Variants in GNAT3 observed in about 807,000 individuals in gnomAD.
GNAT3 encodes the protein guanine nucleotide-binding protein G(t) subunit alpha-3.
In GNAT3, 31 loss-of-function variants were observed where a neutral mutation model predicts 37.7. The ratio of observed to expected loss-of-function variants is 0.82; its 90% CI spans 0.62 to 1.11. The LOEUF (loss-of-function observed/expected upper bound fraction) is 1.11, where lower values mean the gene tolerates loss of function less well. GNAT3 is among the 50% of genes most tolerant of loss of function. GNAT3 has a pLI of 0.00. For missense variants in GNAT3, 437 were observed against 412.5 expected (o/e 1.06, Z -0.51); for synonymous variants, 138 against 139.8 (o/e 0.99, Z 0.09).
chr7:80,512,057 A>G lies in GNAT3; in HGVS notation c.-131T>C. 1.7e-6 allele frequency: 1 copy of G among 585,710 alleles called. No individual in the cohort carries two copies. The highest frequency in any genetic ancestry group is 3.0e-6 in the Non-Finnish European group (1 of 328,990). 36.3% of individuals were successfully genotyped at this position (585,710 alleles called of 1,614,324 possible). On this transcript the variant is annotated 5_prime_UTR_variant, in exon 1 of 8. Transcript: ENST00000398291. ...CTAGCAGTCCATTCCCTAATGCTCT[A>G]AGATTCTGCTTTGACTAAGGAGATG...
intron 1 of GNAT3, among the ~76,000 whole-genome samples, chr7:80,499,546 C>T (rs1210891380): frequency 6.6e-6 from 1 of 152,124 alleles, no homozygotes; most frequent in Non-Finnish European, 1.5e-5. Context: ...CTACACCTGG[C>T]CTTGAAAGCA....
intron 3 of GNAT3, among the ~76,000 whole-genome samples, chr7:80,484,118 A>G (rs560399866): frequency 2.0e-5 from 3 of 152,208 alleles, no homozygotes; most frequent in East Asian, 3.9e-4. Flanking sequence ...TTGGGACTAC[A>G]TTGTATAGAA....
chr7:80,488,708 T>C (rs1471886963), intron 2 of GNAT3, 32 bp from the exon 3 acceptor site: 11 of 1,490,262 alleles, frequency 7.4e-6, no homozygotes, highest in Admixed American at 3.9e-5. Flanking sequence ...TTTCTGTGAG[T>C]TGAATAATTG....
chr7:80,492,919 C>T (rs1790621000), intron 2 of GNAT3, among the ~76,000 whole-genome samples: 1 of 151,896 alleles, frequency 6.6e-6, no homozygotes, highest in African/African-American at 2.4e-5. Context: ...TAAGGTTACA[C>T]TAAAATACAT....
chr7:80,508,427 T>C (rs1790991110), intron 1 of GNAT3, among the ~76,000 whole-genome samples: 1 of 152,044 alleles, frequency 6.6e-6, no homozygotes, highest in South Asian at 2.1e-4. Context: ...TACCATTGAA[T>C]GAAACGTTTA....
chr7:80,467,228 T>C (rs1790141607), intron 5 of GNAT3, among the ~76,000 whole-genome samples: 1 of 152,124 alleles, frequency 6.6e-6, no homozygotes, highest in Non-Finnish European at 1.5e-5. Context: ...TGCTCAGTCT[T>C]AGCATTTTGT....
chr7:80,511,908 A>C lies in GNAT3; in HGVS notation c.19T>G (p.Ser7Ala). MGSGIS[S>A]ESKESAKRSK... ...CTTTTGGCTGACTCCTTGCTCTCTGAACTAATTCCACTTCCCATCTTGTGG... is the reference window on the plus strand; with the variant it reads ...CTTTTGGCTGACTCCTTGCTCTCTGCACTAATTCCACTTCCCATCTTGTGG... The change falls in exon 1 of 8, where the codon TCA becomes GCA. Residue 7 changes from serine to alanine, a missense_variant. Coordinates refer to ENST00000398291, the MANE Select transcript of GNAT3 (RefSeq NM_001102386.3). 7 of 1,610,156 alleles carry C rather than the reference A, an allele frequency of 4.3e-6. No individual in the cohort carries two copies. Among genetic ancestry groups the C allele is most frequent in the Non-Finnish European group, 5.9e-6 (7 of 1,177,360 alleles).
chr7:80,458,809 G>GTCT lies in GNAT3; in HGVS notation c.924_926dup (p.Leu308_Asp309insGlu). On this transcript the variant is annotated inframe_insertion, in exon 8 of 8. Coordinates refer to ENST00000398291, the MANE Select transcript of GNAT3 (RefSeq NM_001102386.3). ...CCTTATCTTCTTTTTTTAAATTCAG[G>GTCT]TCTAGAAACTGGTTCTTGATGTAGT... is the stretch of plus-strand genomic sequence containing the variant. 6.3e-7 allele frequency: 1 copy of GTCT among 1,595,114 alleles called. No individual in the cohort carries two copies. The highest frequency in any genetic ancestry group is 8.5e-7 in the Non-Finnish European group (1 of 1,171,380).
intron 5 of GNAT3, among the ~76,000 whole-genome samples, chr7:80,468,909 C>T (rs1162934052): frequency 1.3e-5 from 2 of 151,976 alleles, no homozygotes; most frequent in Admixed American, 6.6e-5. Context: ...TTCATAAAGC[C>T]ATCACAATAA....
At chr7:80,488,473 C>T in intron 3 of GNAT3, 62 bp downstream of exon 3, 13 of 1,365,410 alleles carry the variant, frequency 9.5e-6, no homozygotes, top group South Asian at 8.2e-5. Context: ...TTATTAAGTC[C>T]TCTTATTTTA....
chr7:80,512,006 G>T lies in GNAT3; in HGVS notation c.-80C>A. 1.1e-6 allele frequency: 1 copy of T among 926,900 alleles called. No individual in the cohort carries two copies. Among genetic ancestry groups the T allele is most frequent in the Non-Finnish European group, 1.7e-6 (1 of 585,946 alleles). 57.4% of individuals were successfully genotyped at this position (926,900 alleles called of 1,614,324 possible). Reference sequence around the variant, plus strand: ...CACAGCTGTGGTTTGGACATAGGAGGCAAGAGTAATGCTCTGCTGAAGTAC... The same window carrying T: ...CACAGCTGTGGTTTGGACATAGGAGTCAAGAGTAATGCTCTGCTGAAGTAC... On this transcript the variant is annotated 5_prime_UTR_variant, in exon 1 of 8. Transcript: ENST00000398291.
In GNAT3 at chr7:80,488,602, T is replaced by G; in HGVS notation, c.236A>C (p.Gln79Pro). 4 of 1,595,886 alleles carry G rather than the reference T, an allele frequency of 2.5e-6. No homozygotes were observed. Among genetic ancestry groups the G allele is most frequent in the Non-Finnish European group, 3.4e-6 (4 of 1,169,038 alleles). The change falls in exon 3 of 8, where the codon CAA becomes CCA. Residue 79 changes from glutamine (Q) to proline (P), a missense_variant. Transcript: ENST00000398291. Reference protein sequence around the residue: ...FKAVIYSNTLQSILAIVKAMT... With the variant: ...FKAVIYSNTLPSILAIVKAMT... ...GGCTTTCACAATAGCTAGGATGGAT[T>G]GCAATGTATTACTGTAAATTACTGC...
chr7:80,487,540 TG>T (rs1171470119), intron 3 of GNAT3: 1 of 152,182 alleles, frequency 6.6e-6, no homozygotes. Flanking sequence ...GTTTTGTTTT[TG>T]TTTTAATTGT....
chr7:80,465,186 G>C (rs928338171), intron 5 of GNAT3, among the ~76,000 whole-genome samples: 4 of 152,068 alleles, frequency 2.6e-5, no homozygotes, highest in Admixed American at 6.6e-5. Flanking sequence ...GTGTTTTTCA[G>C]ACTTCGTAAA....
intron 4 of GNAT3, among the ~76,000 whole-genome samples, chr7:80,475,760 T>C (rs1790292445): frequency 6.6e-6 from 1 of 152,136 alleles, no homozygotes; most frequent in Non-Finnish European, 1.5e-5. Flanking sequence ...GAGGATCTTT[T>C]TCCTTTTAAG....
chr7:80,503,438 A>T (rs1584198016), intron 1 of GNAT3, among the ~76,000 whole-genome samples: 1 of 152,230 alleles, frequency 6.6e-6, no homozygotes, highest in African/African-American at 2.4e-5. Context: ...AAACCAAACT[A>T]TATTCTTAAG....
At chr7:80,488,835 G>A (rs952845231) in intron 2 of GNAT3, among the ~76,000 whole-genome samples, 159 bp from the exon 3 acceptor site, 5 of 151,970 alleles carry the variant, frequency 3.3e-5, no homozygotes, top group Non-Finnish European at 5.9e-5. Flanking sequence ...TATGCCTTTG[G>A]ACTTTTATTA....
intron 3 of GNAT3, among the ~76,000 whole-genome samples, chr7:80,479,775 T>A (rs1002028687): frequency 5.9e-5 from 9 of 151,898 alleles, no homozygotes; most frequent in Middle Eastern, 3.4e-3. Flanking sequence ...AAAATTGTAT[T>A]GTTTCAAAAA....
At chr7:80,497,009 C>T (rs1254497521) in intron 1 of GNAT3, among the ~76,000 whole-genome samples, 1 of 152,080 alleles carries the variant, frequency 6.6e-6, no homozygotes, top group Admixed American at 6.6e-5. Context: ...GATTCTTTCC[C>T]TTGGGAAAAC....
Sources: gnomAD v4.1 joint callset for allele counts (sites outside exome capture counted in the v4.1 genomes callset) on GRCh38, gnomAD v4.1.1 for gene constraint, MANE v1.5 for transcripts, NCBI Gene and HGNC (gene_info 2026-07-23, HGNC 2026-07-21) for gene names.